MGAT4C: variants seen among roughly 807,000 people sequenced by gnomAD.
MGAT4C encodes the protein alpha-1,3-mannosyl-glycoprotein 4-beta-N-acetylglucosaminyltransferase C.
MGAT4C carries 19 observed loss-of-function variants against 40.1 expected under a neutral mutation model. The ratio of observed to expected loss-of-function variants is 0.47; its 90% CI spans 0.33 to 0.70. The LOEUF is 0.70. Among genes scored for constraint, MGAT4C ranks in the 30% least tolerant of loss-of-function variants. The probability of loss-of-function intolerance (pLI) is 0.02; values close to 1 mark genes in which losing one functional copy is unlikely to be tolerated. For missense variants in MGAT4C, 491 were observed against 563.2 expected (o/e 0.87, Z 1.30); for synonymous variants, 181 against 187.1 (o/e 0.97, Z 0.27).
At chr12:86,138,561 TA>T (rs1338532544) in intron 1 of MGAT4C, among the ~76,000 whole-genome samples, 1 of 147,888 alleles carries the variant, frequency 6.8e-6, no homozygotes, top group Non-Finnish European at 1.5e-5. Context: ...ATCATGTATA[TA>T]TTTCCATAGA....
At chr12:85,980,537 T>A in intron 4 of MGAT4C, 107 bp from the exon 5 acceptor site, 1 of 941,780 alleles carries the variant, frequency 1.1e-6, no homozygotes, top group Non-Finnish European at 1.5e-6. Flanking sequence ...ACATATTAAG[T>A]AAATCTAGTA....
At chr12:86,478,524 GA>G (rs1292780755) in intron 2 of MGAT4C, among the ~76,000 whole-genome samples, 2 of 152,076 alleles carry the variant, frequency 1.3e-5, no homozygotes, top group Non-Finnish European at 2.9e-5. Flanking sequence ...CTGATATTGT[GA>G]TTGACTTAAG....
chr12:86,437,041 A>T (rs2136274448), intron 2 of MGAT4C, among the ~76,000 whole-genome samples: 1 of 151,778 alleles, frequency 6.6e-6, no homozygotes, highest in Admixed American at 6.6e-5. Context: ...CCAAGATATA[A>T]ATTTGTTTGG....
intron 1 of MGAT4C, among the ~76,000 whole-genome samples, chr12:86,162,310 A>G (rs1361782825): frequency 6.6e-6 from 1 of 152,206 alleles, no homozygotes; most frequent in African/African-American, 2.4e-5. Flanking sequence ...AACACTATGC[A>G]GCCATAATAC....
At chr12:86,144,141 C>A (rs760244000) in intron 1 of MGAT4C, among the ~76,000 whole-genome samples, 2 of 152,152 alleles carry the variant, frequency 1.3e-5, no homozygotes, top group African/African-American at 2.4e-5. Flanking sequence ...ACAGAAAAGA[C>A]CTTTCATGTA....
chr12:86,275,796 T>C (rs1953062683), intron 4 of MGAT4C, among the ~76,000 whole-genome samples: 1 of 151,836 alleles, frequency 6.6e-6, no homozygotes, highest in Non-Finnish European at 1.5e-5. Flanking sequence ...ATTTCTAACC[T>C]CCAAAACTGT....
At chr12:86,705,031 A>G (rs1300960897) in intron 2 of MGAT4C, among the ~76,000 whole-genome samples, 100 of 152,194 alleles carry the variant, frequency 6.6e-4, no homozygotes, top group Admixed American at 6.5e-3. Context: ...CCCACCTATC[A>G]TATTCAAATA....
At chr12:86,115,085 C>T (rs839146) in intron 1 of MGAT4C, among the ~76,000 whole-genome samples, 93,577 of 151,704 alleles carry the variant, frequency 0.62, 29,457 homozygotes, top group East Asian at 0.93. Flanking sequence ...ATGTGGGTAA[C>T]AGCTGGCATT....
At chr12:86,350,037 C>T (rs903476466) in intron 3 of MGAT4C, among the ~76,000 whole-genome samples, 1 of 151,774 alleles carries the variant, frequency 6.6e-6, no homozygotes, top group African/African-American at 2.4e-5. Context: ...AAAACTTTAC[C>T]TATGTGATTT....
chr12:86,428,766 A>G (rs1438741696), intron 3 of MGAT4C, among the ~76,000 whole-genome samples: 1 of 152,130 alleles, frequency 6.6e-6, no homozygotes, highest in Non-Finnish European at 1.5e-5. Flanking sequence ...ACAATTGTCA[A>G]TAGTATTTTC....
At chr12:86,734,880 G>A (rs899851365) in intron 1 of MGAT4C, among the ~76,000 whole-genome samples, 4 of 152,072 alleles carry the variant, frequency 2.6e-5, no homozygotes, top group Non-Finnish European at 5.9e-5. Flanking sequence ...GTTACCATCT[G>A]CTGTATTTGT....
intron 2 of MGAT4C, among the ~76,000 whole-genome samples, chr12:86,020,976 C>T (rs1057440224): frequency 3.9e-5 from 6 of 152,112 alleles, no homozygotes; most frequent in African/African-American, 1.2e-4. Context: ...AGCCAAAAGA[C>T]ACATGAAAAA....
intron 1 of MGAT4C, among the ~76,000 whole-genome samples, chr12:86,793,690 A>G (rs879318591): frequency 6.6e-6 from 1 of 152,162 alleles, no homozygotes; most frequent in South Asian, 2.1e-4. Context: ...TATATAGCAT[A>G]TAAGAATTCT....
chr12:86,327,673 T>C (rs569680288), intron 4 of MGAT4C, among the ~76,000 whole-genome samples: 1 of 152,220 alleles, frequency 6.6e-6, no homozygotes, highest in African/African-American at 2.4e-5. Flanking sequence ...TATTTAAAGA[T>C]ACACAATGAT....
intron 1 of MGAT4C, among the ~76,000 whole-genome samples, chr12:86,742,773 T>C (rs1565959686): frequency 6.7e-6 from 1 of 149,658 alleles, no homozygotes; most frequent in Non-Finnish European, 1.5e-5. Flanking sequence ...TAAATAAATA[T>C]GAAAAGATAG....
chr12:86,434,943 A>G (rs1183957935), intron 3 of MGAT4C, among the ~76,000 whole-genome samples: 1 of 151,946 alleles, frequency 6.6e-6, no homozygotes, highest in Non-Finnish European at 1.5e-5. Context: ...CCTATGTCCA[A>G]TACAAATTTA....
chr12:86,101,839 G>C (rs1875129438), intron 1 of MGAT4C, among the ~76,000 whole-genome samples: 1 of 151,906 alleles, frequency 6.6e-6, no homozygotes, highest in Non-Finnish European at 1.5e-5. Flanking sequence ...TAAAGGCTAT[G>C]CATTATGAAT....
chr12:86,363,297 C>T (rs1955523420), intron 3 of MGAT4C, among the ~76,000 whole-genome samples: 1 of 151,732 alleles, frequency 6.6e-6, no homozygotes, highest in Non-Finnish European at 1.5e-5. Context: ...GAATTGTAAT[C>T]AATAATAGAA....
chr12:86,797,949 T>A (rs1952160482), intron 1 of MGAT4C, among the ~76,000 whole-genome samples: 1 of 152,012 alleles, frequency 6.6e-6, no homozygotes, highest in Admixed American at 6.6e-5. Context: ...GATTTCCTAA[T>A]CTTTATGTTT....
Sources: allele counts gnomAD v4.1 joint callset (sites outside exome capture counted in the v4.1 genomes callset), GRCh38; gene constraint gnomAD v4.1.1; transcripts MANE v1.5; gene names NCBI Gene and HGNC (gene_info 2026-07-23, HGNC 2026-07-21).